The following RPS6KA5 variants were observed in gnomAD, a reference collection of about 807,000 sequenced individuals.
The protein encoded by RPS6KA5 is ribosomal protein S6 kinase A5.
Under a neutral mutation model 85.5 loss-of-function variants are expected in RPS6KA5, and 27 were observed. The observed-to-expected ratio is 0.32, with a 90% CI of 0.23 to 0.44. The LOEUF is 0.44. RPS6KA5 is among the 20% of genes least tolerant of loss of function. RPS6KA5 has a pLI of 1.00. For synonymous variants in RPS6KA5, 334 were observed against 348.2 expected, an observed-to-expected ratio of 0.96 and a Z score of 0.46; for missense variants, 811 against 980.9, an observed-to-expected ratio of 0.83 and a Z score of 2.31.
chr14:91,040,996 T>C (rs2042587830), intron 1 of RPS6KA5, among the ~76,000 whole-genome samples: 1 of 152,178 alleles, frequency 6.6e-6, no homozygotes, highest in Admixed American at 6.5e-5. Flanking sequence ...TGGTATCAAC[T>C]GCTCTTGCAA....
intron 5 of RPS6KA5, among the ~76,000 whole-genome samples, chr14:90,926,520 C>T (rs569165348): frequency 6.6e-4 from 100 of 152,160 alleles, no homozygotes; most frequent in African/African-American, 2.3e-3. Context: ...TGGCCACATT[C>T]TATTTCTTCA....
At chr14:91,034,005 G>A (rs1427036788) in intron 1 of RPS6KA5, among the ~76,000 whole-genome samples, 1 of 152,108 alleles carries the variant, frequency 6.6e-6, no homozygotes, top group Non-Finnish European at 1.5e-5. Flanking sequence ...GCTGTATGCA[G>A]CATAAAGAAT....
chr14:90,865,731 A>G lies in RPS6KA5; in HGVS notation c.*6343T>C, dbSNP rs2140120518. ...GGAAAAGCTGGGGAAGGAGTGGGAA[A>G]ACAGAGGAGAGAGCTATCACATGGG... On this transcript the variant is annotated 3_prime_UTR_variant, in exon 17 of 17. Transcript: ENST00000614987. 6.6e-6 allele frequency: 1 copy of G among 152,338 alleles called. No homozygotes were observed. The highest frequency in any genetic ancestry group is 1.5e-5 in the Non-Finnish European group (1 of 68,062). The allele number at this position is 152,338 out of a possible 1,614,324, so 9.4% of individuals were successfully genotyped here. A position where few individuals can be genotyped will look rare whatever the true frequency, so the allele number is the denominator to read the frequency against.
At chr14:91,018,402 A>C (rs539969298) in intron 1 of RPS6KA5, among the ~76,000 whole-genome samples, 1 of 152,296 alleles carries the variant, frequency 6.6e-6, no homozygotes, top group South Asian at 2.1e-4. Flanking sequence ...TATGTCTGTG[A>C]GGGTGTTGCC....
At chr14:90,963,640 A>G (rs760702556) in intron 3 of RPS6KA5, among the ~76,000 whole-genome samples, 6 of 152,086 alleles carry the variant, frequency 3.9e-5, no homozygotes, top group Non-Finnish European at 7.4e-5. Context: ...TTTTAATATC[A>G]CCACCACTCA....
intron 5 of RPS6KA5, among the ~76,000 whole-genome samples, chr14:90,941,666 T>C (rs11845005): frequency 0.033 from 5,009 of 152,294 alleles, 273 homozygotes; most frequent in African/African-American, 0.12. Context: ...CCTGCATCAC[T>C]TGCATGCCTA....
intron 14 of RPS6KA5, among the ~76,000 whole-genome samples, chr14:90,879,888 A>G (rs2033723495): frequency 6.6e-6 from 1 of 150,560 alleles, no homozygotes; most frequent in African/African-American, 2.5e-5. Context: ...AGTTCAGGCA[A>G]TTCTCCTGCC....
chr14:90,937,282 G>A (rs760627977), intron 5 of RPS6KA5, among the ~76,000 whole-genome samples: 3 of 152,070 alleles, frequency 2.0e-5, no homozygotes, highest in South Asian at 2.1e-4. Flanking sequence ...GCGGGGTAGG[G>A]GGGCAAGGAG....
chr14:91,001,211 G>T, intron 1 of RPS6KA5, 52 bp from the exon 2 acceptor site: 1 of 1,116,466 alleles, frequency 9.0e-7, no homozygotes, highest in Non-Finnish European at 1.3e-6. Context: ...AATAGAAGGA[G>T]GCTCCTGGGG....
intron 5 of RPS6KA5, among the ~76,000 whole-genome samples, chr14:90,932,451 G>T (rs2037036586): frequency 6.6e-6 from 1 of 151,966 alleles, no homozygotes; most frequent in Non-Finnish European, 1.5e-5. Context: ...TTAAATTCAT[G>T]ATCAGGAATC....
At chr14:90,897,042 T>C (rs1028867068) in intron 12 of RPS6KA5, among the ~76,000 whole-genome samples, 2 of 152,094 alleles carry the variant, frequency 1.3e-5, no homozygotes, top group African/African-American at 4.8e-5. Context: ...CAGGAAATGG[T>C]TTCACGGAAG....
Position 90,870,252 on chromosome 14 carries a change from T to C in RPS6KA5, c.*1822A>G, listed in dbSNP as rs1344454120. 1 of 152,228 alleles carries C rather than the reference T, an allele frequency of 6.6e-6. No individual in the cohort carries two copies. Among genetic ancestry groups the C allele is most frequent in the Non-Finnish European group, 1.5e-5 (1 of 68,034 alleles). 9.4% of individuals were successfully genotyped at this position (152,228 alleles called of 1,614,324 possible). On this transcript the variant is annotated 3_prime_UTR_variant, in exon 17 of 17. Coordinates refer to ENST00000614987, the MANE Select transcript of RPS6KA5 (RefSeq NM_004755.4). ...GTCATTTTCTTGATTACTAGAGATC[T>C]GTGCCTGATGGAATCACATTTTGTG...
intron 2 of RPS6KA5, among the ~76,000 whole-genome samples, chr14:91,000,459 T>C (rs952364176): frequency 1.3e-5 from 2 of 152,174 alleles, no homozygotes; most frequent in African/African-American, 2.4e-5. Flanking sequence ...CACAGAGTAC[T>C]TGGCATCTAA....
chr14:90,892,747 A>G (rs1738866480), intron 13 of RPS6KA5, among the ~76,000 whole-genome samples: 1 of 152,266 alleles, frequency 6.6e-6, no homozygotes, highest in Non-Finnish European at 1.5e-5. Flanking sequence ...CCACATGGGA[A>G]AATATTAAAC....
chr14:90,881,644 G>T (rs1358505546), intron 14 of RPS6KA5, among the ~76,000 whole-genome samples: 3 of 151,922 alleles, frequency 2.0e-5, no homozygotes, highest in African/African-American at 7.2e-5. Flanking sequence ...GGGATTACAG[G>T]CACACACCAC....
rs918955015 is a variant in RPS6KA5 at position 90,847,944 on chromosome 14, C to T, written c.*24130G>A. 2 of 152,166 alleles carry T rather than the reference C, an allele frequency of 1.3e-5. No homozygotes were observed. The highest frequency in any genetic ancestry group is 6.5e-5 in the Admixed American group (1 of 15,282). 9.4% of individuals were successfully genotyped at this position (152,166 alleles called of 1,614,324 possible). A position where few individuals can be genotyped will look rare whatever the true frequency, so the allele number is the denominator to read the frequency against. On this transcript the variant is annotated 3_prime_UTR_variant, in exon 17 of 17. Transcript: ENST00000614987. ...CACACACAAGTTGGTAAAAAGTAAG[C>T]CCTTACTGCTTTGTTAAAAATAAAA... is the stretch of plus-strand genomic sequence containing the variant.
chr14:91,009,817 C>T (rs974656190), intron 1 of RPS6KA5, among the ~76,000 whole-genome samples: 4 of 152,078 alleles, frequency 2.6e-5, no homozygotes, highest in African/African-American at 9.7e-5. Flanking sequence ...AGCTTTAAGA[C>T]GAACGCCCTT....
intron 7 of RPS6KA5, among the ~76,000 whole-genome samples, chr14:90,909,807 T>TTATTA (rs2035702001): frequency 6.6e-6 from 1 of 152,128 alleles, no homozygotes; most frequent in South Asian, 2.1e-4. Context: ...TATTATTATT[T>TTATTA]TTTGAGATGG....
rs1374943172 is a variant in RPS6KA5 at position 91,014,001 on chromosome 14, A to G, written c.104-12842T>C. Among the ~76,000 whole-genome samples the G allele has an allele frequency of 3.9e-5, 6 of 152,238 alleles. 1 individual carries two copies. Among genetic ancestry groups the G allele is most frequent in the Admixed American group, 1.3e-4 (2 of 15,286 alleles). On this transcript the variant is annotated intron_variant, in intron 1 of 16. Transcript: ENST00000614987. ...TTGCAGTGCAATCATTAAAGTTCAC[A>G]ATGATAATCCTGGTGACCACGACGT...
Sources: allele counts gnomAD v4.1 joint callset (sites outside exome capture counted in the v4.1 genomes callset), GRCh38; gene constraint gnomAD v4.1.1; transcripts MANE v1.5; gene names NCBI Gene and HGNC (gene_info 2026-07-23, HGNC 2026-07-21).